Variants in UBE2L3 observed in about 807,000 individuals in gnomAD.
The protein encoded by UBE2L3 is ubiquitin conjugating enzyme E2 L3.
In UBE2L3, 1 loss-of-function variant was observed where a neutral mutation model predicts 17.8. The ratio of observed to expected loss-of-function variants is 0.06; its 90% confidence interval spans 0.02 to 0.27. The LOEUF is 0.27. Among genes scored for constraint, UBE2L3 ranks in the 10% least tolerant of loss-of-function variants. The pLI is 1.00. For missense variants in UBE2L3, 40 were observed against 192.6 expected, an observed-to-expected ratio of 0.21 and a Z score of 4.69; for synonymous variants, 44 against 68.5, an observed-to-expected ratio of 0.64 and a Z score of 1.76.
intron 1 of UBE2L3, among the ~76,000 whole-genome samples, chr22:21,576,564 C>T (rs1927310204): frequency 6.6e-6 from 1 of 151,986 alleles, no homozygotes. Context: ...TCCCAAAGTG[C>T]TGGGATTACA....
chr22:21,576,777 T>C (rs1927323322), intron 1 of UBE2L3, among the ~76,000 whole-genome samples: 1 of 151,610 alleles, frequency 6.6e-6, no homozygotes, highest in South Asian at 2.1e-4. Context: ...AGATGTAATA[T>C]TCTTGCTTCT....
At chr22:21,568,173 G>T (rs1926746592) in intron 1 of UBE2L3, 2 of 1,004,476 alleles carry the variant, frequency 2.0e-6, no homozygotes, top group Middle Eastern at 9.8e-4. Context: ...AGCCCGCGCC[G>T]CGGAACCGCC....
At position 21,579,449 on chromosome 22, in the gene UBE2L3, A is replaced by AT. The variant is rs371860865; in HGVS notation, c.27+11682dup. Among the ~76,000 whole-genome samples the AT allele has an allele frequency of 9.7e-3, 1,475 of 152,166 alleles. 29 individuals are homozygous for AT. Among genetic ancestry groups the AT allele is most frequent in the African/African-American group, 0.034 (1,406 of 41,522 alleles). ...AGAAGGCCATGAGGCTTATGTTTAG[A>AT]TTTTCAGTATATTGAATTACATTTA... On this transcript the variant is annotated intron_variant, in intron 1 of 3. Coordinates refer to ENST00000342192, the MANE Select transcript of UBE2L3 (RefSeq NM_003347.4).
chr22:21,606,871 G>A (rs970489208), intron 2 of UBE2L3, among the ~76,000 whole-genome samples: 3 of 152,106 alleles, frequency 2.0e-5, no homozygotes, highest in African/African-American at 2.4e-5. Flanking sequence ...TCAGCTGCTC[G>A]GTGGTGATTC....
intron 2 of UBE2L3, among the ~76,000 whole-genome samples, chr22:21,599,710 A>G (rs1385182042): frequency 6.6e-6 from 1 of 152,222 alleles, no homozygotes; most frequent in Non-Finnish European, 1.5e-5. Flanking sequence ...AGCACCATGT[A>G]TGCACAGAGA....
intron 1 of UBE2L3, among the ~76,000 whole-genome samples, chr22:21,572,933 T>C (rs1601396634): frequency 6.6e-6 from 1 of 152,248 alleles, no homozygotes; most frequent in East Asian, 1.9e-4. Flanking sequence ...CCTGGCGGAT[T>C]CTGCTGAACT....
chr22:21,566,128 A>G (rs1926624207), upstream of UBE2L3, among the ~76,000 whole-genome samples: 2 of 151,816 alleles, frequency 1.3e-5, no homozygotes, highest in South Asian at 2.1e-4. Flanking sequence ...GCCCACCACC[A>G]CACCTGGCTA....
chr22:21,565,627 C>T (rs1926597517), upstream of UBE2L3, among the ~76,000 whole-genome samples: 1 of 150,892 alleles, frequency 6.6e-6, no homozygotes, highest in Non-Finnish European at 1.5e-5. Context: ...GTGGCAGGTG[C>T]CTGTAATCTA....
intron 3 of UBE2L3, among the ~76,000 whole-genome samples, chr22:21,617,829 C>G (rs1929853277): frequency 1.3e-5 from 2 of 152,072 alleles, no homozygotes; most frequent in South Asian, 2.1e-4. Context: ...CAGAAATGCA[C>G]CCAGGGGAAC....
At chr22:21,604,327 C>T (rs958650604) in intron 2 of UBE2L3, among the ~76,000 whole-genome samples, 5 of 151,984 alleles carry the variant, frequency 3.3e-5, no homozygotes, top group East Asian at 1.9e-4. Context: ...GGTGAAACCC[C>T]GTCTCTACTA....
At chr22:21,586,103 T>G (rs753963371) in intron 1 of UBE2L3, among the ~76,000 whole-genome samples, 3 of 152,018 alleles carry the variant, frequency 2.0e-5, no homozygotes, top group Non-Finnish European at 4.4e-5. Context: ...ACCTGGCTAA[T>G]TTTTTAATTT....
chr22:21,587,119 C>T (rs1927988277), intron 1 of UBE2L3, among the ~76,000 whole-genome samples: 1 of 152,018 alleles, frequency 6.6e-6, no homozygotes, highest in African/African-American at 2.4e-5. Flanking sequence ...CTCCTGGCCT[C>T]AAGTGATCCA....
chr22:21,584,291 C>T (rs1006960241), intron 1 of UBE2L3, among the ~76,000 whole-genome samples: 2 of 151,166 alleles, frequency 1.3e-5, no homozygotes, highest in Admixed American at 6.6e-5. Flanking sequence ...GATTCTTCTG[C>T]CTTAGCCTCC....
intron 1 of UBE2L3, among the ~76,000 whole-genome samples, chr22:21,584,603 T>C (rs531281814): frequency 4.1e-4 from 63 of 152,086 alleles, no homozygotes; most frequent in Admixed American, 4.0e-3. Flanking sequence ...CTTCATTTTT[T>C]AATTTTTTTG....
intron 1 of UBE2L3, among the ~76,000 whole-genome samples, chr22:21,556,312 T>C (rs1225966812): frequency 6.6e-6 from 1 of 152,166 alleles, no homozygotes; most frequent in African/African-American, 2.4e-5. Context: ...GGAGAATAGT[T>C]TGAGCCCAAG....
intron 2 of UBE2L3, among the ~76,000 whole-genome samples, chr22:21,602,364 A>G (rs2283790): frequency 0.22 from 33,402 of 152,122 alleles, 4,444 homozygotes; most frequent in East Asian, 0.51. Context: ...AGGACGTGCC[A>G]TGTAGCAGCA....
At chr22:21,614,421 C>G in intron 3 of UBE2L3, 1 of 474,748 alleles carries the variant, frequency 2.1e-6, no homozygotes, top group Non-Finnish European at 3.8e-6. Context: ...GAAACCCCGT[C>G]TGTACCAAAA....
intron 2 of UBE2L3, among the ~76,000 whole-genome samples, chr22:21,603,520 ACT>A (rs1489248285): frequency 8.0e-5 from 10 of 125,298 alleles, no homozygotes; most frequent in African/African-American, 2.1e-4. Context: ...ACAGAGCGAG[ACT>A]CTGTCTTAAA....
intron 1 of UBE2L3, among the ~76,000 whole-genome samples, chr22:21,569,370 A>G (rs1026364784): frequency 3.6e-5 from 5 of 137,956 alleles, no homozygotes; most frequent in African/African-American, 5.5e-5. Context: ...CACTCCAGCC[A>G]GGGCGACAGA....
Sources: gnomAD v4.1 joint callset for allele counts (sites outside exome capture counted in the v4.1 genomes callset) on GRCh38, gnomAD v4.1.1 for gene constraint, MANE v1.5 for transcripts, NCBI Gene and HGNC (gene_info 2026-07-23, HGNC 2026-07-21) for gene names.